CEP164: variants seen among roughly 807,000 people sequenced by gnomAD.
The protein encoded by CEP164 is centrosomal protein of 164 kDa.
A neutral mutation model predicts 182.7 loss-of-function variants in CEP164; 162 were observed. That is an observed-to-expected ratio of 0.89 (90% confidence interval 0.78 to 1.01). The LOEUF is 1.01. Ranked by LOEUF, CEP164 falls within the 50% of genes least tolerant of loss-of-function variation. CEP164 has a pLI of 0.00. For missense variants in CEP164, 1,735 were observed against 1,790.4 expected (o/e 0.97, Z 0.56); for synonymous variants, 661 against 690.0 (o/e 0.96, Z 0.66).
At chr11:117,339,515 G>GTTTTTTTTTTTTTTTTTTTTTTT (rs1199425322) in intron 3 of CEP164, among the ~76,000 whole-genome samples, 1 of 90,870 alleles carries the variant, frequency 1.1e-5, no homozygotes, top group Non-Finnish European at 2.1e-5. Context: ...CTTTTCCTTT[G>GTTTTTTTTTTTTTTTTTTTTTTT]TTTTTTGTTT....
At chr11:117,396,350 G>A (rs1201176801) in intron 25 of CEP164, among the ~76,000 whole-genome samples, 170 bp downstream of exon 25, 1 of 152,156 alleles carries the variant, frequency 6.6e-6, no homozygotes, top group African/African-American at 2.4e-5. Flanking sequence ...GGCTGGCTCT[G>A]TTCTCTATGG....
At chr11:117,399,374 A>G (rs2045891358) in intron 27 of CEP164, among the ~76,000 whole-genome samples, 1 of 152,132 alleles carries the variant, frequency 6.6e-6, no homozygotes, top group South Asian at 2.1e-4. Flanking sequence ...TTCTTTATCC[A>G]GTCTATCATT....
rs2047502247 is a variant in CEP164, at chr11:117,413,022, C to G, written c.*854C>G. ...TGGGCATTGTTTCCATCTGTCTTTT[C>G]TACCTGTGCCACCCCTGCCCTGATT... On this transcript the variant is annotated 3_prime_UTR_variant, in exon 33 of 33. Coordinates refer to ENST00000278935, the MANE Select transcript of CEP164 (RefSeq NM_014956.5). 6.6e-6 allele frequency: 1 copy of G among 152,280 alleles called. No homozygotes were observed. The highest frequency in any genetic ancestry group is 2.4e-5 in the African/African-American group (1 of 41,464). The allele number at this position is 152,280 out of a possible 1,614,324, so 9.4% of individuals were successfully genotyped here.
chr11:117,334,809 A>C (rs1032691047), intron 1 of CEP164, among the ~76,000 whole-genome samples: 2 of 151,822 alleles, frequency 1.3e-5, no homozygotes, highest in Non-Finnish European at 2.9e-5. Context: ...AAAAAGGTAA[A>C]TATAGATCAT....
chr11:117,397,142 C>A lies in CEP164; in HGVS notation c.3330C>A (p.Leu1110=), dbSNP rs756168328. ...WHLLSAEGVA[L]RSAKEFLVQQ... ...TCCTCTCTGCTGAGGGGGTAGCCCT[C>A]CGTAGTGCCAAGGAGTTCCTTGTGC... The change falls in exon 27 of 33, where the codon CTC becomes CTA. Residue 1110 remains leucine, a synonymous_variant. Transcript: ENST00000278935. The A allele has an allele frequency of 5.0e-6, 8 of 1,614,206 alleles. No individual in the cohort carries two copies. The East Asian group carries it at 1.6e-4, about 31-fold the overall frequency.
intron 5 of CEP164, chr11:117,355,221 G>C: frequency 7.8e-7 from 1 of 1,289,848 alleles, no homozygotes; most frequent in South Asian, 1.2e-5. Flanking sequence ...GCCCAATGCA[G>C]GAGAGAATTA....
At chr11:117,374,648 T>C (rs1173872496) in intron 10 of CEP164, among the ~76,000 whole-genome samples, 1 of 152,124 alleles carries the variant, frequency 6.6e-6, no homozygotes, top group East Asian at 1.9e-4. Context: ...ACCCACAAGC[T>C]AGAAAGGGAA....
intron 8 of CEP164, among the ~76,000 whole-genome samples, chr11:117,366,763 A>G (rs1249908072): frequency 6.6e-6 from 1 of 152,208 alleles, no homozygotes; most frequent in African/African-American, 2.4e-5. Context: ...CGGTCAGTGC[A>G]CAGACATAGG....
chr11:117,363,523 C>A lies in CEP164; in HGVS notation c.765+17C>A. 1 of 1,579,092 alleles carries A rather than the reference C, an allele frequency of 6.3e-7. No homozygotes were observed. Among genetic ancestry groups the A allele is most frequent in the Non-Finnish European group, 8.7e-7 (1 of 1,148,992 alleles). On this transcript the variant is annotated intron_variant, in intron 8 of 32. Transcript: ENST00000278935. Reference sequence around the variant, plus strand: ...GAGTATGAGGTAAGAGCCCTAATCCCTACAGGCACATGTGTCAGCCTGGCA... The same window carrying A: ...GAGTATGAGGTAAGAGCCCTAATCCATACAGGCACATGTGTCAGCCTGGCA...
chr11:117,412,130 C>T lies in CEP164; in HGVS notation c.4345C>T (p.Leu1449Phe). The change falls in exon 33 of 33, where the codon CTT (leucine) becomes TTT (phenylalanine). Residue 1449 changes from leucine to phenylalanine, a missense_variant. Leu to Phe is a conservative substitution (Grantham distance 22). Transcript: ENST00000278935. ...KATLSLLQLG[L>F]DEHNRVKVYR... ...TACTTTGAGCCTCCTGCAGCTGGGC[C>T]TTGATGAGCACAACAGAGTGAAGGT... The T allele has an allele frequency of 6.2e-7, 1 of 1,614,200 alleles. No homozygotes were observed. The highest frequency in any genetic ancestry group is 8.5e-7 in the Non-Finnish European group (1 of 1,180,034).
chr11:117,406,822 G>A (rs1174854483), intron 27 of CEP164, among the ~76,000 whole-genome samples: 6 of 152,164 alleles, frequency 3.9e-5, no homozygotes, highest in African/African-American at 1.2e-4. Flanking sequence ...TCAGCCAGGC[G>A]CAGTGGTTCA....
Position 117,370,124 on chromosome 11 carries a change from G to A in CEP164, c.766-956G>A, listed in dbSNP as rs556045739. ...GAACTAGAGAAAGTCTGGAGGCTCT[G>A]CTCACTTCCTTTATCCTTTATAGAC... is the stretch of plus-strand genomic sequence containing the variant. On this transcript the variant is annotated intron_variant, in intron 8 of 32. Coordinates refer to ENST00000278935, the MANE Select transcript of CEP164 (RefSeq NM_014956.5). Among the ~76,000 whole-genome samples the A allele has an allele frequency of 6.6e-5, 10 of 152,012 alleles. No homozygotes were observed. In the South Asian group the frequency reaches 2.1e-3, roughly 32 times the overall value.
chr11:117,409,122 A>G lies in CEP164; in HGVS notation c.3748+94A>G. The G allele has an allele frequency of 6.7e-7, 1 of 1,498,202 alleles. No homozygotes were observed. The highest frequency in any genetic ancestry group is 9.1e-7 in the Non-Finnish European group (1 of 1,098,496). 92.8% of individuals were successfully genotyped at this position (1,498,202 alleles called of 1,614,324 possible). ...AAGAGCTCTCTTCCCTCAGCCCTGCAGAGGGAGGCCTCTGTGAGCCGGTGT... is the reference window on the plus strand; with the variant it reads ...AAGAGCTCTCTTCCCTCAGCCCTGCGGAGGGAGGCCTCTGTGAGCCGGTGT... On this transcript the variant is annotated intron_variant, in intron 29 of 32. Coordinates refer to ENST00000278935, the MANE Select transcript of CEP164 (RefSeq NM_014956.5). This position sits in a 1 kb window ranked among gnomAD's most constrained non-coding sequence, Gnocchi z 4.4.
intron 13 of CEP164, among the ~76,000 whole-genome samples, chr11:117,382,443 C>T (rs374014001): frequency 6.6e-6 from 1 of 152,270 alleles, no homozygotes; most frequent in East Asian, 1.9e-4. Flanking sequence ...GTCTGTCCCC[C>T]TAGCAAGAGA....
intron 3 of CEP164, among the ~76,000 whole-genome samples, chr11:117,340,719 T>G (rs895170311): frequency 3.3e-4 from 50 of 152,302 alleles, no homozygotes; most frequent in African/African-American, 1.1e-3. Context: ...GGATAGGCTC[T>G]CACTGTGTTG....
chr11:117,343,963 A>G (rs1243868008), intron 3 of CEP164, among the ~76,000 whole-genome samples: 2 of 152,108 alleles, frequency 1.3e-5, no homozygotes, highest in East Asian at 1.9e-4. Flanking sequence ...GCTTCGGATT[A>G]TATCATTGTG....
chr11:117,395,554 C>G lies in CEP164; in HGVS notation c.2921C>G (p.Thr974Arg). 1 of 1,610,172 alleles carries G rather than the reference C, an allele frequency of 6.2e-7. No homozygotes were observed. The highest frequency in any genetic ancestry group is 8.5e-7 in the Non-Finnish European group (1 of 1,178,138). The change falls in exon 24 of 33, where the codon ACA (threonine) becomes AGA (arginine). Residue 974 changes from threonine to arginine, a missense_variant. By Grantham distance (71) the Thr-to-Arg change is moderately conservative. Coordinates refer to ENST00000278935, the MANE Select transcript of CEP164 (RefSeq NM_014956.5). ...RQVALKSEEA[T>R]ATHQQLEEAQ... ...CTTTCCTTTTGCCCCTAGGAAGCCACAGCCACCCATCAGCAGCTGGAGGAG... is the reference window on the plus strand; with the variant it reads ...CTTTCCTTTTGCCCCTAGGAAGCCAGAGCCACCCATCAGCAGCTGGAGGAG...
Position 117,396,114 on chromosome 11 carries a change from A to T in CEP164, c.3150A>T (p.Glu1050Asp). 6.2e-7 allele frequency: 1 copy of T among 1,614,174 alleles called. No individual in the cohort carries two copies. Among genetic ancestry groups the T allele is most frequent in the African/African-American group, 1.3e-5 (1 of 75,054 alleles). Residue 1050 changes from glutamate (E) to aspartate (D), a missense_variant, in exon 25 of 33, where the codon GAA becomes GAT. Physicochemically the swap from Glu to Asp is conservative, Grantham distance 45. Transcript: ENST00000278935. ...TGTTGAGAGAAGTGACAGTTGAGGA[A>T]AATAATGCTTCCCCACATTTTGAGC... The part of the protein sequence containing the change: ...QHLLREVTVE[E>D]NNASPHFEPD...
intron 1 of CEP164, among the ~76,000 whole-genome samples, chr11:117,330,688 A>G (rs73014332): frequency 0.025 from 3,856 of 152,296 alleles, 82 homozygotes; most frequent in Non-Finnish European, 0.039. Flanking sequence ...TTAATGTCTG[A>G]ATGGCCTTAA....
Sources: gnomAD v4.1 joint callset for allele counts (sites outside exome capture counted in the v4.1 genomes callset) on GRCh38, gnomAD v4.1.1 for gene constraint, Gnocchi (gnomAD v3.1) non-coding constraint, MANE v1.5 for transcripts, NCBI Gene and HGNC (gene_info 2026-07-23, HGNC 2026-07-21) for gene names.